The following GRM3 variants were observed in gnomAD, a reference collection of about 807,000 sequenced individuals.
GRM3 encodes glutamate metabotropic receptor 3.
In GRM3, 26 loss-of-function variants were observed where a neutral mutation model predicts 70.5. The observed-to-expected ratio is 0.37, with a 90% CI of 0.27 to 0.51. GRM3 has a LOEUF of 0.51. Among genes scored for constraint, GRM3 ranks in the 20% least tolerant of loss-of-function variants. The pLI is 0.93. For missense variants in GRM3, 859 were observed against 1,123.8 expected, an observed-to-expected ratio of 0.76 and a Z score of 3.37; for synonymous variants, 443 against 434.9, an observed-to-expected ratio of 1.02 and a Z score of -0.23.
intron 3 of GRM3, among the ~76,000 whole-genome samples, chr7:86,813,758 C>T (rs534892657): frequency 2.0e-5 from 3 of 151,776 alleles, no homozygotes; most frequent in Non-Finnish European, 3.0e-5. Flanking sequence ...ACCTGCTATA[C>T]GATCATGTTA....
rs572087753 is a variant in GRM3 at position 86,722,224 on chromosome 7, C to G, written c.-140-42782C>G. ...AAAACTTTTTTTAAAAATTGAAATA[C>G]CATTTGACCCAGCAATCCCATTACT... is the stretch of plus-strand genomic sequence containing the variant. On this transcript the variant is annotated intron_variant, in intron 1 of 5. Coordinates refer to ENST00000361669, the MANE Select transcript of GRM3 (RefSeq NM_000840.3). Among the ~76,000 whole-genome samples the G allele has an allele frequency of 2.0e-4, 30 of 152,056 alleles. 1 individual carries two copies. Among genetic ancestry groups the G allele is most frequent in the African/African-American group, 7.2e-4 (30 of 41,482 alleles).
intron 2 of GRM3, among the ~76,000 whole-genome samples, chr7:86,774,751 C>A (rs1479532537): frequency 6.6e-6 from 1 of 151,990 alleles, no homozygotes; most frequent in Non-Finnish European, 1.5e-5. Flanking sequence ...CGGTAGATAC[C>A]ATAAGGTTCA....
At position 86,787,556 on chromosome 7, in the gene GRM3, C is replaced by CAGAGAGAGAGAG. The variant is rs71117519; in HGVS notation, c.1324+450_1324+461dup. On this transcript the variant is annotated intron_variant, in intron 3 of 5. Coordinates refer to ENST00000361669, the MANE Select transcript of GRM3 (RefSeq NM_000840.3). ...ATCTCATAACTTTCACAGTGGGTGACAGAGAGAGAGAGAGAGAGAGAAGTC... is the reference window on the plus strand; with the variant it reads ...ATCTCATAACTTTCACAGTGGGTGACAGAGAGAGAGAGAGAGAGAGAGAGAGAGAGAGAAGTC... Among the ~76,000 whole-genome samples, 116 of 150,020 alleles carry CAGAGAGAGAGAG rather than the reference C, an allele frequency of 7.7e-4. No individual in the cohort carries two copies. In the East Asian group the frequency reaches 9.0e-3, roughly 12 times the overall value.
chr7:86,864,174 C>T, intron 5 of GRM3, 108 bp from the exon 6 acceptor site: 1 of 714,372 alleles, frequency 1.4e-6, no homozygotes, highest in Non-Finnish European at 2.6e-6. Flanking sequence ...CCCTCACCTC[C>T]TTCCCACCCT....
rs867046866 is a variant in GRM3, at chr7:86,765,241, G to A, written c.96G>A (p.Glu32=). The part of the protein sequence containing the change: ...SLGDHNFLRR[E]IKIEGDLVLG... Reference sequence around the variant, plus strand: ...GGGACCATAACTTTCTAAGGAGAGAGATTAAAATAGAAGGTGACCTTGTTT... The same window carrying A: ...GGGACCATAACTTTCTAAGGAGAGAAATTAAAATAGAAGGTGACCTTGTTT... The change falls in exon 2 of 6, where the codon GAG becomes GAA. Residue 32 remains glutamate (E), a synonymous_variant. Transcript: ENST00000361669. The A allele has an allele frequency of 1.2e-6, 2 of 1,613,618 alleles. No individual in the cohort carries two copies. Among genetic ancestry groups the A allele is most frequent in the African/African-American group, 2.7e-5 (2 of 74,874 alleles).
At chr7:86,833,485 T>C (rs1798395934) in intron 3 of GRM3, among the ~76,000 whole-genome samples, 1 of 152,142 alleles carries the variant, frequency 6.6e-6, no homozygotes, top group Non-Finnish European at 1.5e-5. Context: ...TCTATTTTCC[T>C]AGTGAGTCAT....
At position 86,715,940 on chromosome 7, in the gene GRM3, G is replaced by T. The variant is rs559280304; in HGVS notation, c.-140-49066G>T. On this transcript the variant is annotated intron_variant, in intron 1 of 5. Transcript: ENST00000361669. ...TGAGAAAGAGACAAAATATGTAAAA[G>T]CAATGGTGATTTCATCTTTAGGAAA... Among the ~76,000 whole-genome samples the T allele has an allele frequency of 3.9e-5, 6 of 152,076 alleles. No homozygotes were observed. The South Asian group carries it at 1.2e-3, about 31-fold the overall frequency.
At chr7:86,674,627 C>T (rs1461727645) in intron 1 of GRM3, among the ~76,000 whole-genome samples, 2 of 152,070 alleles carry the variant, frequency 1.3e-5, no homozygotes, top group Non-Finnish European at 2.9e-5. Flanking sequence ...TTAATGAACA[C>T]CTAAAAGATA....
intron 2 of GRM3, among the ~76,000 whole-genome samples, chr7:86,771,616 G>C (rs184699555): frequency 6.6e-6 from 1 of 151,898 alleles, no homozygotes; most frequent in Non-Finnish European, 1.5e-5. Context: ...GGAGTAGAGG[G>C]AACATAAAAT....
At chr7:86,668,974 C>G (rs1254907909) in intron 1 of GRM3, among the ~76,000 whole-genome samples, 1 of 152,026 alleles carries the variant, frequency 6.6e-6, no homozygotes, top group Non-Finnish European at 1.5e-5. Flanking sequence ...CTGGATTAAG[C>G]TGGTTAAAAG....
rs370138882 is a variant in GRM3 at position 86,839,470 on chromosome 7, C to T, written c.1956C>T (p.Phe652=). The change falls in exon 4 of 6, where the codon TTC becomes TTT. Residue 652 remains phenylalanine, a synonymous_variant. Transcript: ENST00000361669. This position sits in a 1 kb window ranked among gnomAD's most constrained non-coding sequence, Gnocchi z 4.5. Reference sequence around the variant, plus strand: ...GCCGACTCGGGCTGGGGAGTTCCTTCGCTATCTGTTACTCAGCCCTGCTGA... The same window carrying T: ...GCCGACTCGGGCTGGGGAGTTCCTTTGCTATCTGTTACTCAGCCCTGCTGA... ...ALRRLGLGSS[F]AICYSALLTK... The T allele has an allele frequency of 2.2e-4, 354 of 1,611,938 alleles. No homozygotes were observed. The highest frequency in any genetic ancestry group is 2.5e-4 in the Non-Finnish European group (299 of 1,178,832).
intron 3 of GRM3, among the ~76,000 whole-genome samples, chr7:86,812,489 A>C (rs1797931989): frequency 6.6e-6 from 1 of 151,810 alleles, no homozygotes; most frequent in African/African-American, 2.4e-5. Context: ...ATTCCAAAAA[A>C]AGGTTAGGAT....
At chr7:86,695,474 T>C (rs1584172041) in intron 1 of GRM3, among the ~76,000 whole-genome samples, 1 of 152,300 alleles carries the variant, frequency 6.6e-6, no homozygotes, top group East Asian at 1.9e-4. Flanking sequence ...TGCTGTTATT[T>C]AATTAGCAAC....
chr7:86,848,581 C>T (rs940291030), intron 4 of GRM3, among the ~76,000 whole-genome samples: 3 of 152,052 alleles, frequency 2.0e-5, no homozygotes, highest in Non-Finnish European at 4.4e-5. Flanking sequence ...TCTCTGGTGG[C>T]TCCATTCCCA....
intron 1 of GRM3, among the ~76,000 whole-genome samples, chr7:86,727,310 C>A (rs555324585): frequency 9.2e-5 from 14 of 152,264 alleles, no homozygotes; most frequent in Non-Finnish European, 1.8e-4. Flanking sequence ...GCTCCTCTCC[C>A]AGTTCCCCTA....
chr7:86,693,961 T>G (rs899746668), intron 1 of GRM3, among the ~76,000 whole-genome samples: 5 of 152,220 alleles, frequency 3.3e-5, no homozygotes, highest in Admixed American at 6.5e-5. Flanking sequence ...TTACTACAAT[T>G]TCATGTTTCA....
chr7:86,683,019 G>T (rs1384293434), intron 1 of GRM3, among the ~76,000 whole-genome samples: 1 of 152,130 alleles, frequency 6.6e-6, no homozygotes, highest in African/African-American at 2.4e-5. Context: ...GATTTGAACT[G>T]AACAAATCAT....
intron 1 of GRM3, among the ~76,000 whole-genome samples, chr7:86,738,644 C>T (rs1054462420): frequency 1.3e-5 from 2 of 152,110 alleles, no homozygotes; most frequent in Non-Finnish European, 2.9e-5. Context: ...CATTTTTACC[C>T]TGAATCAATT....
chr7:86,782,009 G>A (rs1797077433), intron 2 of GRM3, among the ~76,000 whole-genome samples: 2 of 152,006 alleles, frequency 1.3e-5, no homozygotes, highest in South Asian at 4.2e-4. Flanking sequence ...TGGCCCCCTG[G>A]TAAAATTCAC....
Sources: allele counts gnomAD v4.1 joint callset (sites outside exome capture counted in the v4.1 genomes callset), GRCh38; gene constraint gnomAD v4.1.1; non-coding constraint Gnocchi (gnomAD v3.1); transcripts MANE v1.5; gene names NCBI Gene and HGNC (gene_info 2026-07-23, HGNC 2026-07-21).